THOP1: variants seen among roughly 807,000 people sequenced by gnomAD.
THOP1 encodes the protein thimet oligopeptidase 1.
A neutral mutation model predicts 71.8 loss-of-function variants in THOP1; 49 were observed. The observed-to-expected ratio is 0.68, with a 90% CI of 0.54 to 0.87. The LOEUF (loss-of-function observed/expected upper bound fraction) is 0.87. THOP1 is among the 40% of genes least tolerant of loss of function. The pLI is 0.00. For synonymous variants in THOP1, 426 were observed against 421.5 expected, an observed-to-expected ratio of 1.01 and a Z score of -0.13; for missense variants, 843 against 975.6, an observed-to-expected ratio of 0.86 and a Z score of 1.81.
chr19:2,795,043 C>A, intron 3 of THOP1, 131 bp downstream of exon 3: 1 of 1,106,756 alleles, frequency 9.0e-7, no homozygotes, highest in Non-Finnish European at 1.3e-6. Flanking sequence ...AGGCTAGTCT[C>A]GAACTCCTGA....
At chr19:2,790,725 G>A in intron 2 of THOP1, 92 bp downstream of exon 2, 1 of 1,244,562 alleles carries the variant, frequency 8.0e-7, no homozygotes, top group Non-Finnish European at 1.1e-6. Flanking sequence ...AGCCGGTTCA[G>A]AACCTGGCTT....
rs757567737 is a variant in THOP1 at position 2,813,319 on chromosome 19, G to C, written c.*43G>C. ...GCCCAGTCTGGCCTGCGCTCCCGCC[G>C]CCCTGGTGCCTTAGCCCCCGGCACA... On this transcript the variant is annotated 3_prime_UTR_variant, in exon 13 of 13. Transcript: ENST00000307741. 3.9e-6 allele frequency: 6 copies of C among 1,547,674 alleles called. No individual in the cohort carries two copies. In the East Asian group the frequency reaches 1.4e-4, roughly 37 times the overall value.
At chr19:2,788,487 AT>A (rs1915803392) in intron 1 of THOP1, among the ~76,000 whole-genome samples, 3 of 151,742 alleles carry the variant, frequency 2.0e-5, no homozygotes, top group South Asian at 4.2e-4. Flanking sequence ...CAGCCTGCCT[AT>A]TTTTTTTGAG....
Position 2,810,405 on chromosome 19 carries a change from G to T in THOP1, c.1557G>T (p.Leu519=), listed in dbSNP as rs752256782. 1.1e-5 allele frequency: 17 copies of T among 1,609,316 alleles called. No homozygotes were observed. The South Asian group carries it at 1.9e-4, about 18-fold the overall frequency. ...GGGTGTGGGAGCAGGAGCCGCTGCT[G>T]CGGATGTCGCGGCACTACCGCACAG... ...ENWVWEQEPL[L]RMSRHYRTGS... is the part of the protein sequence containing the mutation. Residue 519 remains leucine, a synonymous_variant, in exon 10 of 13, where the codon CTG becomes CTT. Coordinates refer to ENST00000307741, the MANE Select transcript of THOP1 (RefSeq NM_003249.5).
At chr19:2,812,357 A>T in intron 12 of THOP1, 1 of 1,527,734 alleles carries the variant, frequency 6.5e-7, no homozygotes, top group Non-Finnish European at 8.8e-7. Flanking sequence ...GCAACATTGC[A>T]CTGGGCAGCC....
Position 2,806,899 on chromosome 19 carries a change from T to C in THOP1, c.751-18T>C, listed in dbSNP as rs1203656357. The stretch of plus-strand genomic sequence containing the variant: ...GGAGTGGCGCCCCTGGGTGACAGTG[T>C]GGTGGTGTCGGTTGCAGGAGAACTG... On this transcript the variant is annotated intron_variant, in intron 6 of 12. Transcript: ENST00000307741. 17 of 1,612,402 alleles carry C rather than the reference T, an allele frequency of 1.1e-5. No homozygotes were observed. The highest frequency in any genetic ancestry group is 1.4e-5 in the Non-Finnish European group (16 of 1,179,572).
rs1010081908 is a variant in THOP1 at position 2,812,098 on chromosome 19, T to C, written c.1908+364T>C. On this transcript the variant is annotated intron_variant, in intron 12 of 12. Transcript: ENST00000307741. ...GCTCCGTGTCTTCCCATACGAGTCC[T>C]TCCGGGATCTGCGTGATCGGCCTCA... is the stretch of plus-strand genomic sequence containing the variant. The C allele has an allele frequency of 4.4e-6, 6 of 1,361,550 alleles. No homozygotes were observed. The African/African-American group carries it at 5.9e-5, about 13-fold the overall frequency. The allele number at this position is 1,361,550 out of a possible 1,614,324, so 84.3% of individuals were successfully genotyped here.
intron 4 of THOP1, among the ~76,000 whole-genome samples, 196 bp from the exon 5 acceptor site, chr19:2,799,493 C>G (rs892439068): frequency 1.3e-5 from 2 of 152,240 alleles, no homozygotes; most frequent in Non-Finnish European, 2.9e-5. Context: ...GAAATCCACA[C>G]TGCGCAGCCT....
intron 4 of THOP1, among the ~76,000 whole-genome samples, chr19:2,798,088 G>A (rs1324366489): frequency 6.6e-6 from 1 of 152,150 alleles, no homozygotes; most frequent in East Asian, 1.9e-4. Context: ...GAGTGCAACG[G>A]TGTGATCTCA....
chr19:2,802,442 A>C (rs1347747747), intron 5 of THOP1, among the ~76,000 whole-genome samples: 65 of 13,450 alleles, frequency 4.8e-3, no homozygotes, highest in Admixed American at 8.3e-3. Context: ...TCCCAACACC[A>C]ACACCTCCCG....
Position 2,810,503 on chromosome 19 carries a change from C to T in THOP1, c.1642+13C>T, listed in dbSNP as rs3752056. ...CAGGCCAACACAGGTGCACCCGCCCCGTCCGGGGAAGGGTGCTAACCTCGG... is the reference window on the plus strand; with the variant it reads ...CAGGCCAACACAGGTGCACCCGCCCTGTCCGGGGAAGGGTGCTAACCTCGG... On this transcript the variant is annotated intron_variant, in intron 10 of 12. Coordinates refer to ENST00000307741, the MANE Select transcript of THOP1 (RefSeq NM_003249.5). 2.0e-3 allele frequency: 3,087 copies of T among 1,545,780 alleles called. 40 individuals are homozygous for T. In the East Asian group the frequency reaches 0.029, roughly 14 times the overall value.
At chr19:2,794,613 T>TA in intron 2 of THOP1, 151 bp from the exon 3 acceptor site, 2 of 903,736 alleles carry the variant, frequency 2.2e-6, no homozygotes, top group Non-Finnish European at 1.7e-6. Flanking sequence ...CGGTGGCGTG[T>TA]GCCTCTAGTC....
rs757846063 is a variant in THOP1, at chr19:2,807,714, G to A, written c.1159G>A (p.Ala387Thr). The A allele has an allele frequency of 1.7e-5, 27 of 1,600,506 alleles. No homozygotes were observed. In the African/African-American group the frequency reaches 2.3e-4, roughly 14 times the overall value. ...GCTGGCCTTCCACCACGAGGAGGGC[G>A]CCAGTGCCTGGCATGAGGACGTGCG... is the stretch of plus-strand genomic sequence containing the variant. ...LGLAFHHEEG[A>T]SAWHEDVRLY... Residue 387 changes from alanine (A) to threonine (T), a missense_variant, in exon 8 of 13, where the codon GCC becomes ACC. Ala to Thr is a moderately conservative substitution (Grantham distance 58). Coordinates refer to ENST00000307741, the MANE Select transcript of THOP1 (RefSeq NM_003249.5).
Position 2,810,764 on chromosome 19 carries a change from G to T in THOP1, c.1767G>T (p.Thr589=), listed in dbSNP as rs372132430. The T allele has an allele frequency of 1.1e-5, 17 of 1,602,236 alleles. No homozygotes were observed. In the African/African-American group the frequency reaches 1.1e-4, roughly 10 times the overall value. Residue 589 remains threonine (T), a synonymous_variant, in exon 11 of 13, where the codon ACG becomes ACT. Coordinates refer to ENST00000307741, the MANE Select transcript of THOP1 (RefSeq NM_003249.5). ...AGGAGATCCTCGGGGTCCCGGCCACGCCAGGTAGCCACCCTTGAGCCGGGC... is the reference window on the plus strand; with the variant it reads ...AGGAGATCCTCGGGGTCCCGGCCACTCCAGGTAGCCACCCTTGAGCCGGGC... The part of the protein sequence containing the change: ...LCQEILGVPA[T]PGTNMPATFG...
chr19:2,805,778 C>T lies in THOP1; in HGVS notation c.750+602C>T, dbSNP rs973917763. ...GTGCGGCTGGCAAAAGGGGGATACA[C>T]GCTGATCACTGCAAAGGGATGGGCG... On this transcript the variant is annotated intron_variant, in intron 6 of 12. Coordinates refer to ENST00000307741, the MANE Select transcript of THOP1 (RefSeq NM_003249.5). The surrounding 1 kb of genome is among the most constrained non-coding windows in gnomAD (Gnocchi z 6.6). Among the ~76,000 whole-genome samples the T allele has an allele frequency of 4.6e-5, 7 of 152,062 alleles. No individual in the cohort carries two copies. Among genetic ancestry groups the T allele is most frequent in the African/African-American group, 1.2e-4 (5 of 41,400 alleles).
chr19:2,806,582 C>T, intron 6 of THOP1: 1 of 353,982 alleles, frequency 2.8e-6, no homozygotes, highest in Non-Finnish European at 5.1e-6. Flanking sequence ...AGGCAGAGCC[C>T]GTGAGACTGG....
chr19:2,810,235 A>G, intron 9 of THOP1, 69 bp from the exon 10 acceptor site: 4 of 1,545,588 alleles, frequency 2.6e-6, no homozygotes, highest in Non-Finnish European at 3.5e-6. Context: ...GGCAGCTGAC[A>G]CGGGCCAGGC....
At chr19:2,799,595 C>T in intron 4 of THOP1, 94 bp from the exon 5 acceptor site, 1 of 1,011,014 alleles carries the variant, frequency 9.9e-7, no homozygotes, top group Non-Finnish European at 1.5e-6. Context: ...GGGGAAATCC[C>T]TCAGCCCTCG....
At chr19:2,787,194 C>T (rs758301560) in intron 1 of THOP1, among the ~76,000 whole-genome samples, 11 of 152,154 alleles carry the variant, frequency 7.2e-5, no homozygotes, top group Admixed American at 1.3e-4. Flanking sequence ...CCACCGTGCC[C>T]GGCCTGGGTT....
Sources: gnomAD v4.1 joint callset for allele counts (sites outside exome capture counted in the v4.1 genomes callset) on GRCh38, gnomAD v4.1.1 for gene constraint, Gnocchi (gnomAD v3.1) non-coding constraint, MANE v1.5 for transcripts, NCBI Gene and HGNC (gene_info 2026-07-23, HGNC 2026-07-21) for gene names.